ARHGAP10: variants seen among roughly 807,000 people sequenced by gnomAD.
ARHGAP10 encodes the protein Rho GTPase activating protein 10.
In ARHGAP10, 87 loss-of-function variants were observed where a neutral mutation model predicts 108.6. That is an observed-to-expected ratio of 0.80 (90% CI 0.67 to 0.96). The LOEUF is 0.96. Ranked by LOEUF, ARHGAP10 falls within the 40% of genes least tolerant of loss-of-function variation. The pLI is 0.00. For synonymous variants in ARHGAP10, 347 were observed against 341.1 expected (o/e 1.02, Z -0.19); for missense variants, 939 against 954.5 (o/e 0.98, Z 0.21).
intron 1 of ARHGAP10, among the ~76,000 whole-genome samples, chr4:147,732,967 C>G (rs1329524790): frequency 6.6e-6 from 1 of 152,190 alleles, no homozygotes; most frequent in African/African-American, 2.4e-5. Context: ...CTCTCATTGT[C>G]TGATCTTCCC....
chr4:147,834,358 A>C (rs1216763973), intron 3 of ARHGAP10, among the ~76,000 whole-genome samples: 2 of 152,120 alleles, frequency 1.3e-5, no homozygotes, highest in Non-Finnish European at 2.9e-5. Flanking sequence ...AGGCCCAGCT[A>C]CTTGGGAGGC....
chr4:147,879,556 T>G (rs1429001620), intron 9 of ARHGAP10, among the ~76,000 whole-genome samples: 1 of 146,962 alleles, frequency 6.8e-6, no homozygotes, highest in African/African-American at 2.5e-5. Flanking sequence ...ACCACTAGAT[T>G]TTTTTTTTTT....
chr4:147,938,325 A>G (rs1738032449), intron 13 of ARHGAP10, among the ~76,000 whole-genome samples: 1 of 152,298 alleles, frequency 6.6e-6, no homozygotes, highest in Admixed American at 6.5e-5. Flanking sequence ...CAGGTTTATT[A>G]TCTATGTAAC....
At chr4:147,870,853 AG>A (rs1734787110) in intron 7 of ARHGAP10, among the ~76,000 whole-genome samples, 1 of 152,072 alleles carries the variant, frequency 6.6e-6, no homozygotes, top group Non-Finnish European at 1.5e-5. Context: ...AAGAATGGGT[AG>A]GAAGTATTTA....
At chr4:147,904,643 T>G (rs1736391201) in intron 10 of ARHGAP10, among the ~76,000 whole-genome samples, 1 of 152,246 alleles carries the variant, frequency 6.6e-6, no homozygotes, top group Non-Finnish European at 1.5e-5. Context: ...GTTGGACATT[T>G]GGGTTGGTTC....
intron 1 of ARHGAP10, among the ~76,000 whole-genome samples, chr4:147,750,966 T>C (rs1346719963): frequency 6.6e-6 from 1 of 151,682 alleles, no homozygotes; most frequent in Non-Finnish European, 1.5e-5. Flanking sequence ...TCGCGTGAGG[T>C]CAGGAGTTGG....
chr4:147,831,904 CAT>C (rs1373362286), intron 3 of ARHGAP10, among the ~76,000 whole-genome samples: 3 of 152,202 alleles, frequency 2.0e-5, no homozygotes, highest in Non-Finnish European at 4.4e-5. Context: ...GGCCTTGCCC[CAT>C]GACTCAGTGT....
intron 13 of ARHGAP10, among the ~76,000 whole-genome samples, chr4:147,938,292 T>G (rs1738031198): frequency 1.3e-5 from 2 of 152,058 alleles, no homozygotes; most frequent in Non-Finnish European, 2.9e-5. Flanking sequence ...GATGAAATAG[T>G]CTGTACAACA....
At chr4:147,915,527 G>C (rs940126034) in intron 13 of ARHGAP10, among the ~76,000 whole-genome samples, 1 of 152,102 alleles carries the variant, frequency 6.6e-6, no homozygotes. Flanking sequence ...AAGGCTTTCT[G>C]ATTGGTATGT....
At chr4:148,052,720 G>T (rs562788470) in intron 20 of ARHGAP10, among the ~76,000 whole-genome samples, 1 of 152,264 alleles carries the variant, frequency 6.6e-6, no homozygotes, top group Admixed American at 6.5e-5. Context: ...GAATGAATTG[G>T]CAGCCAGTAC....
At chr4:148,021,248 T>C (rs1741557238) in intron 18 of ARHGAP10, among the ~76,000 whole-genome samples, 1 of 151,962 alleles carries the variant, frequency 6.6e-6, no homozygotes, top group South Asian at 2.1e-4. Context: ...CAGTTTGGGG[T>C]TGCCTCCACA....
chr4:147,852,715 TTTTTTTTTTTTTTTTA>T (rs1464860769), intron 4 of ARHGAP10, among the ~76,000 whole-genome samples: 1 of 26,612 alleles, frequency 3.8e-5, no homozygotes, highest in East Asian at 1.9e-3. Flanking sequence ...TTTTTTTTTT[TTTTTTTTTTTTTTTTA>T]AAATGGAGCG....
intron 3 of ARHGAP10, among the ~76,000 whole-genome samples, chr4:147,829,163 G>C (rs1732846576): frequency 6.6e-6 from 1 of 151,862 alleles, no homozygotes; most frequent in Non-Finnish European, 1.5e-5. Context: ...CGATTCTCCT[G>C]CCTCAGCCTC....
chr4:147,965,008 AT>A lies in ARHGAP10; in HGVS notation c.1451-6del, dbSNP rs150624108. The A allele has an allele frequency of 5.3e-3, 6,765 of 1,284,170 alleles. 2 individuals carry two copies. Among genetic ancestry groups the A allele is most frequent in the South Asian group, 7.9e-3 (494 of 62,402 alleles). 79.5% of individuals were successfully genotyped at this position (1,284,170 alleles called of 1,614,324 possible). A position where few individuals can be genotyped will look rare whatever the true frequency, so the allele number is the denominator to read the frequency against. On this transcript the variant is annotated splice_polypyrimidine_tract_variant and intron_variant, in intron 16 of 22. Coordinates refer to ENST00000336498, the MANE Select transcript of ARHGAP10 (RefSeq NM_024605.4). ...TTTCTTTATTTTTTTCTTTATTATTATTTTTTTTTTGGAAGAAAGCGGCAGC... is the reference window on the plus strand; with the variant it reads ...TTTCTTTATTTTTTTCTTTATTATTATTTTTTTTTGGAAGAAAGCGGCAGC...
At chr4:147,986,287 T>G (rs923861739) in intron 18 of ARHGAP10, among the ~76,000 whole-genome samples, 6 of 152,114 alleles carry the variant, frequency 3.9e-5, no homozygotes, top group African/African-American at 1.4e-4. Context: ...CACATGAAGC[T>G]CATGGAGGGT....
chr4:147,755,654 C>A (rs1384698249), intron 1 of ARHGAP10, among the ~76,000 whole-genome samples: 1 of 152,320 alleles, frequency 6.6e-6, no homozygotes, highest in East Asian at 1.9e-4. Flanking sequence ...AGTAGCTGTA[C>A]TTTTGCTCTT....
intron 13 of ARHGAP10, among the ~76,000 whole-genome samples, chr4:147,926,210 G>C (rs904734801): frequency 2.0e-5 from 3 of 152,144 alleles, no homozygotes; most frequent in Admixed American, 2.0e-4. Flanking sequence ...GATTTGGATG[G>C]GAGTGTGTCT....
chr4:148,012,940 TA>T (rs1454407835), intron 18 of ARHGAP10, among the ~76,000 whole-genome samples: 1 of 151,456 alleles, frequency 6.6e-6, no homozygotes, highest in East Asian at 1.9e-4. Flanking sequence ...TTTTTTTTTT[TA>T]AACCTTCTTT....
chr4:148,013,613 G>A (rs1165279032), intron 18 of ARHGAP10, among the ~76,000 whole-genome samples: 1 of 152,070 alleles, frequency 6.6e-6, no homozygotes, highest in Non-Finnish European at 1.5e-5. Context: ...GCGTGAACCC[G>A]GGAGACGGAG....
Sources: gnomAD v4.1 joint callset for allele counts (sites outside exome capture counted in the v4.1 genomes callset) on GRCh38, gnomAD v4.1.1 for gene constraint, MANE v1.5 for transcripts, NCBI Gene and HGNC (gene_info 2026-07-23, HGNC 2026-07-21) for gene names.